Variants in CWC27 observed in about 807,000 individuals in gnomAD.
CWC27 encodes the protein CWC27 spliceosome associated cyclophilin, also known as spliceosome-associated protein CWC27 homolog.
A neutral mutation model predicts 63.6 loss-of-function variants in CWC27; 47 were observed. That is an observed-to-expected ratio of 0.74 (90% CI 0.58 to 0.94). The LOEUF (loss-of-function observed/expected upper bound fraction) is 0.94. Among genes scored for constraint, CWC27 ranks in the 40% least tolerant of loss-of-function variants. CWC27 has a pLI of 0.00. For synonymous variants in CWC27, 175 were observed against 179.8 expected (o/e 0.97, Z 0.22); for missense variants, 495 against 554.3 (o/e 0.89, Z 1.07).
intron 3 of CWC27, among the ~76,000 whole-genome samples, chr5:64,783,542 G>A (rs1354118045): frequency 6.6e-6 from 1 of 152,194 alleles, no homozygotes; most frequent in Non-Finnish European, 1.5e-5. Flanking sequence ...ACTTTGGGAT[G>A]AGAATAGGGA....
intron 10 of CWC27, among the ~76,000 whole-genome samples, chr5:64,846,144 C>G (rs143623117): frequency 1.1e-3 from 173 of 152,330 alleles, no homozygotes; most frequent in African/African-American, 4.1e-3. Flanking sequence ...GCAAAGCTAT[C>G]TTTCATAATT....
At chr5:64,842,978 G>A (rs570769070) in intron 10 of CWC27, among the ~76,000 whole-genome samples, 2 of 152,210 alleles carry the variant, frequency 1.3e-5, no homozygotes, top group East Asian at 3.9e-4. Flanking sequence ...CCTTTGTAAT[G>A]TTTCACCTTA....
At chr5:64,990,476 G>A (rs1749519741) in intron 13 of CWC27, among the ~76,000 whole-genome samples, 1 of 53,532 alleles carries the variant, frequency 1.9e-5, no homozygotes, top group Non-Finnish European at 4.3e-5. Context: ...CGTTTTAGCC[G>A]GGATGGTCTC....
At chr5:64,885,390 C>A in intron 10 of CWC27, 53 bp from the exon 11 acceptor site, 2 of 1,285,350 alleles carry the variant, frequency 1.6e-6, no homozygotes, top group East Asian at 2.6e-5. Flanking sequence ...TTTTGCTAAA[C>A]AACTTTTACT....
intron 10 of CWC27, among the ~76,000 whole-genome samples, chr5:64,839,561 G>A (rs12658919): frequency 0.35 from 53,604 of 152,002 alleles, 9,900 homozygotes; most frequent in East Asian, 0.51. Context: ...ACTTGGAAAC[G>A]AGAAAGCACA....
intron 10 of CWC27, among the ~76,000 whole-genome samples, chr5:64,851,735 C>T (rs957721540): frequency 6.6e-6 from 1 of 152,008 alleles, no homozygotes; most frequent in African/African-American, 2.4e-5. Flanking sequence ...TCAAACTTAG[C>T]TATATGATTT....
At chr5:64,937,360 T>G (rs975874633) in intron 11 of CWC27, among the ~76,000 whole-genome samples, 2 of 152,348 alleles carry the variant, frequency 1.3e-5, no homozygotes, top group African/African-American at 4.8e-5. Context: ...ATTTACCCAG[T>G]AGTCATTCAG....
At chr5:64,963,713 A>G (rs1364380595) in intron 11 of CWC27, among the ~76,000 whole-genome samples, 8 of 152,242 alleles carry the variant, frequency 5.3e-5, no homozygotes, top group African/African-American at 1.9e-4. Context: ...AGGCTTAATC[A>G]TGGTATCACA....
At chr5:64,810,863 G>C (rs1332484904) in intron 10 of CWC27, among the ~76,000 whole-genome samples, 2 of 152,016 alleles carry the variant, frequency 1.3e-5, no homozygotes, top group African/African-American at 4.8e-5. Context: ...CAGTTCAACA[G>C]GGTTAAGACA....
chr5:64,849,689 A>G (rs895063034), intron 10 of CWC27, among the ~76,000 whole-genome samples: 12 of 134,972 alleles, frequency 8.9e-5, no homozygotes, highest in African/African-American at 3.5e-4. Context: ...CCCCATGTCA[A>G]GGGAGGGACC....
intron 11 of CWC27, among the ~76,000 whole-genome samples, chr5:64,923,853 T>C (rs555697371): frequency 6.6e-6 from 1 of 152,126 alleles, no homozygotes; most frequent in East Asian, 1.9e-4. Flanking sequence ...TTCATAATAA[T>C]AATTCCCAGA....
At chr5:64,854,155 G>GTTTAACGGAATAC (rs1746199986) in intron 10 of CWC27, among the ~76,000 whole-genome samples, 1 of 152,140 alleles carries the variant, frequency 6.6e-6, no homozygotes, top group African/African-American at 2.4e-5. Context: ...TTTAAGGCTG[G>GTTTAACGGAATAC]ATAACATTCC....
intron 7 of CWC27, among the ~76,000 whole-genome samples, chr5:64,796,352 T>C (rs937575725): frequency 6.6e-6 from 1 of 152,094 alleles, no homozygotes; most frequent in African/African-American, 2.4e-5. Flanking sequence ...TTCCAAAATA[T>C]GTAGAGTAGG....
At chr5:64,974,280 A>G (rs149659140) in intron 12 of CWC27, among the ~76,000 whole-genome samples, 1 of 152,144 alleles carries the variant, frequency 6.6e-6, no homozygotes, top group East Asian at 1.9e-4. Flanking sequence ...GCTATAGTGT[A>G]TTAGTCCATT....
At chr5:64,973,568 T>C (rs1749165649) in intron 12 of CWC27, among the ~76,000 whole-genome samples, 1 of 152,244 alleles carries the variant, frequency 6.6e-6, no homozygotes, top group African/African-American at 2.4e-5. Flanking sequence ...AATGCCTCCA[T>C]GCAGATCCTA....
At position 64,893,823 on chromosome 5, in the gene CWC27, G is replaced by A. The variant is rs573475969; in HGVS notation, c.1042+8277G>A. Among the ~76,000 whole-genome samples, 6 of 152,158 alleles carry A rather than the reference G, an allele frequency of 3.9e-5. No homozygotes were observed. The East Asian group carries it at 1.2e-3, about 29-fold the overall frequency. ...AATGTGAAAGTAAGCTAGCCTTAAC[G>A]AACGTCTTACTCATTAGAAACTCTG... is the stretch of plus-strand genomic sequence containing the variant. On this transcript the variant is annotated intron_variant, in intron 11 of 13. Transcript: ENST00000381070.
chr5:64,959,895 T>C (rs1748874485), intron 11 of CWC27, among the ~76,000 whole-genome samples: 1 of 152,208 alleles, frequency 6.6e-6, no homozygotes, highest in Admixed American at 6.5e-5. Flanking sequence ...GTTTACAGCC[T>C]GGAGGGCAAT....
At chr5:64,807,863 A>C in intron 10 of CWC27, 2 of 1,498,452 alleles carry the variant, frequency 1.3e-6, no homozygotes, top group Non-Finnish European at 1.8e-6. Context: ...AGTAAAAACT[A>C]ACAAAACCAT....
intron 13 of CWC27, among the ~76,000 whole-genome samples, chr5:65,004,378 C>CTT (rs70983659): frequency 0.26 from 20,724 of 79,328 alleles, 3,000 homozygotes; most frequent in East Asian, 0.39. Context: ...GTTGTATAGG[C>CTT]TTTTTTTTTT....
Sources: gnomAD v4.1 joint callset for allele counts (sites outside exome capture counted in the v4.1 genomes callset) on GRCh38, gnomAD v4.1.1 for gene constraint, MANE v1.5 for transcripts, NCBI Gene and HGNC (gene_info 2026-07-23, HGNC 2026-07-21) for gene names.